Variants in G2E3 observed in about 807,000 individuals in gnomAD.
The protein encoded by G2E3 is G2/M-phase specific E3 ubiquitin protein ligase.
Under a neutral mutation model 92.8 loss-of-function variants are expected in G2E3, and 35 were observed. That is an observed-to-expected ratio of 0.38 (90% CI 0.29 to 0.50). G2E3 has a LOEUF of 0.50. Ranked by LOEUF, G2E3 falls within the 20% of genes least tolerant of loss-of-function variation. The pLI, the probability that G2E3 is intolerant of heterozygous loss-of-function variation, is 0.94. For synonymous variants in G2E3, 242 were observed against 272.4 expected (o/e 0.89, Z 1.10); for missense variants, 554 against 823.8 (o/e 0.67, Z 4.01).
At position 30,601,821 on chromosome 14, in the gene G2E3, A is replaced by G; in HGVS notation, c.804A>G (p.Leu268=). 1 of 1,613,904 alleles carries G rather than the reference A, an allele frequency of 6.2e-7. No homozygotes were observed. Among genetic ancestry groups the G allele is most frequent in the Admixed American group, 1.7e-5 (1 of 60,018 alleles). Residue 268 remains leucine (L), a synonymous_variant, in exon 9 of 15, where the codon TTA becomes TTG. Coordinates refer to ENST00000206595, the MANE Select transcript of G2E3 (RefSeq NM_017769.5). ...GTTGTGGTTCCAGTGGCACACATTT[A>G]GCCTGCTCCTCATTACGGTCATGGG... The part of the protein sequence containing the change: ...CQCCGSSGTH[L]ACSSLRSWEQ...
At chr14:30,597,264 G>T (rs576367955) in intron 6 of G2E3, among the ~76,000 whole-genome samples, 156 bp from the exon 7 acceptor site, 2 of 152,182 alleles carry the variant, frequency 1.3e-5, no homozygotes, top group East Asian at 3.9e-4. Context: ...TTAGCAGTGG[G>T]ATAACTTAGT....
chr14:30,566,559 A>G (rs1430593169), intron 1 of G2E3, among the ~76,000 whole-genome samples: 1 of 152,204 alleles, frequency 6.6e-6, no homozygotes, highest in East Asian at 1.9e-4. Context: ...TAGAAATACA[A>G]CTGATATTTG....
At chr14:30,564,755 T>A (rs1281206803) in intron 1 of G2E3, among the ~76,000 whole-genome samples, 1 of 152,258 alleles carries the variant, frequency 6.6e-6, no homozygotes, top group Non-Finnish European at 1.5e-5. Flanking sequence ...TCATTTAATA[T>A]AATGTTTTCA....
At chr14:30,606,234 C>T in intron 11 of G2E3, among the ~76,000 whole-genome samples, 1 of 150,290 alleles carries the variant, frequency 6.7e-6, no homozygotes, top group Non-Finnish European at 1.5e-5. Flanking sequence ...CTTTTGTTTG[C>T]AATATTTTTT....
At chr14:30,570,392 G>A (rs558948293) in intron 1 of G2E3, among the ~76,000 whole-genome samples, 20 of 152,020 alleles carry the variant, frequency 1.3e-4, no homozygotes, top group Non-Finnish European at 2.5e-4. Context: ...CATGAAATTT[G>A]GGAAGTTTTT....
rs73264346 is a variant in G2E3, at chr14:30,598,448, A to G, written c.636-35A>G. ...CTGATCCTCTTATGTAACATTATTT[A>G]TAGGTCAAAGCATATTTTATATCTT... On this transcript the variant is annotated intron_variant, in intron 7 of 14. Coordinates refer to ENST00000206595, the MANE Select transcript of G2E3 (RefSeq NM_017769.5). 3.5e-3 allele frequency: 4,405 copies of G among 1,261,496 alleles called. 141 individuals carry two copies. In the African/African-American group the frequency reaches 0.057, roughly 16 times the overall value. The allele number at this position is 1,261,496 out of a possible 1,614,324, so 78.1% of individuals were successfully genotyped here.
intron 1 of G2E3, among the ~76,000 whole-genome samples, chr14:30,571,677 A>G (rs185892898): frequency 3.9e-5 from 6 of 152,152 alleles, no homozygotes; most frequent in Admixed American, 1.3e-4. Flanking sequence ...ATAGACTACC[A>G]TTTGAATACA....
At chr14:30,581,545 A>G (rs2138819511) in intron 2 of G2E3, among the ~76,000 whole-genome samples, 1 of 152,286 alleles carries the variant, frequency 6.6e-6, no homozygotes, top group East Asian at 1.9e-4. Context: ...CATCTCTGCT[A>G]AAAATACAAA....
chr14:30,577,327 T>G (rs917458398), intron 1 of G2E3, among the ~76,000 whole-genome samples: 2 of 152,180 alleles, frequency 1.3e-5, no homozygotes, highest in Non-Finnish European at 2.9e-5. Flanking sequence ...GAATTTGACT[T>G]ACTTTTTTTG....
chr14:30,619,020 A>C lies in G2E3; in HGVS notation c.*2486A>C, dbSNP rs1882443685. 6.6e-6 allele frequency: 1 copy of C among 152,036 alleles called. No homozygotes were observed. The highest frequency in any genetic ancestry group is 1.5e-5 in the Non-Finnish European group (1 of 67,932). The allele number at this position is 152,036 out of a possible 1,614,324, so 9.4% of individuals were successfully genotyped here. The stretch of plus-strand genomic sequence containing the variant: ...ATTGATCTATAATGCATCTACTGTT[A>C]ATGGTTTTGGTTAGTTTGATATTCA... On this transcript the variant is annotated 3_prime_UTR_variant, in exon 15 of 15. Coordinates refer to ENST00000206595, the MANE Select transcript of G2E3 (RefSeq NM_017769.5).
intron 1 of G2E3, among the ~76,000 whole-genome samples, chr14:30,576,950 G>A (rs1279243894): frequency 2.0e-5 from 3 of 152,142 alleles, no homozygotes; most frequent in African/African-American, 7.2e-5. Flanking sequence ...GATGGGGCCA[G>A]GCACGATGGC....
chr14:30,594,929 G>A (rs995767132), intron 6 of G2E3, among the ~76,000 whole-genome samples: 8 of 149,336 alleles, frequency 5.4e-5, no homozygotes, highest in Admixed American at 3.3e-4. Flanking sequence ...AGGAGTTCGA[G>A]ACCAGCATGG....
intron 1 of G2E3, among the ~76,000 whole-genome samples, chr14:30,578,858 C>T (rs76991813): frequency 0.019 from 2,951 of 152,238 alleles, 52 homozygotes; most frequent in Middle Eastern, 0.034. Context: ...TCTACACACA[C>T]GCTTCTTTCC....
At chr14:30,580,845 A>G (rs1038497836) in intron 1 of G2E3, 1 of 436,890 alleles carries the variant, frequency 2.3e-6, no homozygotes, top group Non-Finnish European at 4.2e-6. Context: ...ACCAGTGGTC[A>G]TCTTAATTGT....
At chr14:30,615,226 G>T in intron 13 of G2E3, 123 bp from the exon 14 acceptor site, 1 of 546,840 alleles carries the variant, frequency 1.8e-6, no homozygotes, top group Non-Finnish European at 3.2e-6. Flanking sequence ...GGGGTTTTTT[G>T]GTTGTTTTTT....
At chr14:30,562,413 A>G (rs989888054) in intron 1 of G2E3, among the ~76,000 whole-genome samples, 4 of 152,160 alleles carry the variant, frequency 2.6e-5, no homozygotes, top group African/African-American at 9.7e-5. Flanking sequence ...GAGGGGACAT[A>G]GTGAGAAGTG....
At chr14:30,564,169 A>C (rs569315331) in intron 1 of G2E3, among the ~76,000 whole-genome samples, 2 of 152,320 alleles carry the variant, frequency 1.3e-5, no homozygotes, top group East Asian at 1.9e-4. Context: ...TCTTGTATGA[A>C]TATACCACAG....
chr14:30,593,860 A>AAT lies in G2E3; in HGVS notation c.528+222_528+223dup, dbSNP rs113330893. On this transcript the variant is annotated intron_variant, in intron 6 of 14. Coordinates refer to ENST00000206595, the MANE Select transcript of G2E3 (RefSeq NM_017769.5). ...ATAAATACTTCAGATGAAACTTTTT[A>AAT]ATGTATATTTATACTTAAAGAATTT... Among the ~76,000 whole-genome samples the AAT allele has an allele frequency of 8.0e-3, 1,226 of 152,314 alleles. 18 individuals are homozygous for AAT. Among genetic ancestry groups the AAT allele is most frequent in the African/African-American group, 0.026 (1,092 of 41,578 alleles).
chr14:30,571,368 A>G lies in G2E3; in HGVS notation c.-4-9708A>G, dbSNP rs552706435. Among the ~76,000 whole-genome samples, 210 of 151,778 alleles carry G rather than the reference A, an allele frequency of 1.4e-3. 1 individual carries two copies. Among genetic ancestry groups the G allele is most frequent in the African/African-American group, 4.8e-3 (199 of 41,430 alleles). On this transcript the variant is annotated intron_variant, in intron 1 of 14. Transcript: ENST00000206595. Reference sequence around the variant, plus strand: ...GCATTGTGGATATAAATCCTTTGTCAGGTATATGTTTTGCCAGTGTTTATT... The same window carrying G: ...GCATTGTGGATATAAATCCTTTGTCGGGTATATGTTTTGCCAGTGTTTATT...
Sources: allele counts gnomAD v4.1 joint callset (sites outside exome capture counted in the v4.1 genomes callset), GRCh38; gene constraint gnomAD v4.1.1; transcripts MANE v1.5; gene names NCBI Gene and HGNC (gene_info 2026-07-23, HGNC 2026-07-21).